The following RAPGEF3 variants were observed in gnomAD, a reference collection of about 807,000 sequenced individuals.
The protein encoded by RAPGEF3 is Rap guanine nucleotide exchange factor 3, also known as 9330170P05Rik.
A neutral mutation model predicts 129.8 loss-of-function variants in RAPGEF3; 103 were observed. The observed-to-expected ratio is 0.79, with a 90% CI of 0.68 to 0.93. RAPGEF3 has a LOEUF of 0.93. Among genes scored for constraint, RAPGEF3 ranks in the 40% least tolerant of loss-of-function variants. The pLI is 0.00. For synonymous variants in RAPGEF3, 436 were observed against 482.6 expected, an observed-to-expected ratio of 0.90 and a Z score of 1.26; for missense variants, 1,117 against 1,207.4, an observed-to-expected ratio of 0.93 and a Z score of 1.11.
chr12:47,749,959 A>C lies in RAPGEF3; in HGVS notation c.788T>G (p.Phe263Cys). ...VKRELAAVLL[F>C]EPHSKAGTVL... Reference sequence around the variant, plus strand: ...GGTCCCTGCCTTGCTGTGTGGTTCAAAGAGCAGAACAGCCGCTAATTCTCG... The same window carrying C: ...GGTCCCTGCCTTGCTGTGTGGTTCACAGAGCAGAACAGCCGCTAATTCTCG... Residue 263 changes from phenylalanine (F) to cysteine (C), a missense_variant, in exon 8 of 28, where the codon TTT becomes TGT. Coordinates refer to ENST00000449771, the MANE Select transcript of RAPGEF3 (RefSeq NM_001098531.4). The surrounding 1 kb of genome is among the most constrained non-coding windows in gnomAD (Gnocchi z 4.5). 6.2e-7 allele frequency: 1 copy of C among 1,614,216 alleles called. No individual in the cohort carries two copies. The highest frequency in any genetic ancestry group is 8.5e-7 in the Non-Finnish European group (1 of 1,180,040).
chr12:47,752,796 T>C (rs1941829047), intron 2 of RAPGEF3: 1 of 152,318 alleles, frequency 6.6e-6, no homozygotes. Flanking sequence ...TTCTCTGAGA[T>C]GTTGCTAGCC....
At chr12:47,747,376 G>T (rs1052498462) in intron 15 of RAPGEF3, among the ~76,000 whole-genome samples, 168 bp downstream of exon 15, 1 of 152,194 alleles carries the variant, frequency 6.6e-6, no homozygotes, top group African/African-American at 2.4e-5. Flanking sequence ...AGAATGGAGG[G>T]ACATGTGGTG....
At chr12:47,746,128 A>AT (rs1941406993) in intron 16 of RAPGEF3, 1 of 154,760 alleles carries the variant, frequency 6.5e-6, no homozygotes, top group Non-Finnish European at 1.4e-5. Context: ...AACGAGAAGG[A>AT]TCCTGCCAGG....
In RAPGEF3 at chr12:47,743,994, C is replaced by G. The variant is rs751382564; in HGVS notation, c.1671G>C (p.Gly557=). The change falls in exon 17 of 28, where the codon GGG becomes GGC. Residue 557 remains glycine, a synonymous_variant. Transcript: ENST00000449771. The part of the protein sequence containing the change: ...LPGSSCAIQV[G]DKVPYDICRP... ...CCGGCACAGACCACCAACCTTTATC[C>G]CCAACTTGGATGGCACAGCTGCTGC... 4 of 1,606,628 alleles carry G rather than the reference C, an allele frequency of 2.5e-6. No individual in the cohort carries two copies. Among genetic ancestry groups the G allele is most frequent in the Middle Eastern group, 1.7e-4 (1 of 5,868 alleles).
At position 47,744,086 on chromosome 12, in the gene RAPGEF3, G is replaced by A. The variant is rs545552482; in HGVS notation, c.1597-18C>T. ...TTCCGGGCCTGGGAGGAAGAGGAAC[G>A]AGAAAATAAGGCTGGGAGGACATGA... On this transcript the variant is annotated intron_variant, in intron 16 of 27. Transcript: ENST00000449771. 29 of 1,558,728 alleles carry A rather than the reference G, an allele frequency of 1.9e-5. No individual in the cohort carries two copies. Among genetic ancestry groups the A allele is most frequent in the African/African-American group, 1.4e-4 (10 of 73,688 alleles).
At chr12:47,743,812 AAG>A in intron 17 of RAPGEF3, 136 bp from the exon 18 acceptor site, 1 of 1,394,664 alleles carries the variant, frequency 7.2e-7, no homozygotes, top group South Asian at 1.3e-5. Context: ...CTGAGCAAAA[AAG>A]AGGCAGGTAG....
In RAPGEF3 at chr12:47,751,485, A is replaced by G. The variant is rs1250879516; in HGVS notation, c.416T>C (p.Ile139Thr). Residue 139 changes from isoleucine to threonine, a missense_variant, in exon 5 of 28, where the codon ATC becomes ACC. Around this residue, in one of 3 missense-constraint regions of RAPGEF3, gnomAD observed 367 missense variants for 373.4 expected, o/e 0.98. Transcript: ENST00000449771. ...CCSGRELVDG[I>T]LALGLGVHSR... The stretch of plus-strand genomic sequence containing the variant: ...ATGGACCCCAAGTCCCAGGGCCAAG[A>G]TCCCATCCACCAGCTCCCGGCCAGA... The G allele has an allele frequency of 1.2e-6, 2 of 1,614,192 alleles. No homozygotes were observed. Among genetic ancestry groups the G allele is most frequent in the Non-Finnish European group, 1.7e-6 (2 of 1,180,016 alleles).
rs114103885 is a variant in RAPGEF3, at chr12:47,744,238, A to G, written c.1597-170T>C. The G allele has an allele frequency of 2.6e-3, 1,600 of 618,636 alleles. 22 individuals are homozygous for G. The African/African-American group carries it at 0.027, about 10-fold the overall frequency. The allele number at this position is 618,636 out of a possible 1,614,324, so 38.3% of individuals were successfully genotyped here. On this transcript the variant is annotated intron_variant, in intron 16 of 27. Transcript: ENST00000449771. The stretch of plus-strand genomic sequence containing the variant: ...CCTGAGCTCAGGTAAGGCACCTGGG[A>G]CCAAGGATCCAGGAGAAGACACAAC...
intron 2 of RAPGEF3, among the ~76,000 whole-genome samples, chr12:47,757,529 C>G (rs983159692): frequency 7.2e-5 from 11 of 152,138 alleles, no homozygotes; most frequent in African/African-American, 2.7e-4. Flanking sequence ...TTGACCCGGC[C>G]CCCATACCTC....
chr12:47,758,812 C>T lies in RAPGEF3; in HGVS notation c.-256G>A. On this transcript the variant is annotated 5_prime_UTR_variant, in exon 1 of 28. Transcript: ENST00000449771. ...CCACCCAGCCACCGGCGACAGGGAG[C>T]CCCGAGCCTGCGCCTTCGTCTCAGA... 6.5e-6 allele frequency: 8 copies of T among 1,232,864 alleles called. No homozygotes were observed. The highest frequency in any genetic ancestry group is 8.1e-6 in the Non-Finnish European group (8 of 985,336). The allele number at this position is 1,232,864 out of a possible 1,614,324, so 76.4% of individuals were successfully genotyped here.
chr12:47,737,991 C>T (rs1394976110), intron 27 of RAPGEF3, 31 bp downstream of exon 27: 4 of 1,366,778 alleles, frequency 2.9e-6, no homozygotes, highest in South Asian at 1.2e-5. Context: ...AGCACCCCCT[C>T]CCTGCCCACC....
chr12:47,739,775 C>T (rs1273323771), intron 23 of RAPGEF3: 3 of 406,634 alleles, frequency 7.4e-6, no homozygotes, highest in East Asian at 5.1e-5. Context: ...GGCCCTGGTG[C>T]ACACAGGCGC....
chr12:47,753,446 G>T (rs1941872705), intron 2 of RAPGEF3, among the ~76,000 whole-genome samples: 1 of 152,236 alleles, frequency 6.6e-6, no homozygotes, highest in South Asian at 2.1e-4. Context: ...GGTGCTGGCA[G>T]GGCCCTGGGC....
rs1316380020 is a variant in RAPGEF3 at position 47,735,916 on chromosome 12, T to TTCC, written c.*1650_*1651insGGA. On this transcript the variant is annotated 3_prime_UTR_variant, in exon 28 of 28. Transcript: ENST00000449771. The stretch of plus-strand genomic sequence containing the variant: ...GTTCCAGATGCTTCCGTGCTTCTCC[T>TTCC]GTGTCCCCACCCACGGCAAGGGAAC... 3.3e-5 allele frequency: 5 copies of TTCC among 152,374 alleles called. No homozygotes were observed. Among genetic ancestry groups the TTCC allele is most frequent in the Non-Finnish European group, 5.9e-5 (4 of 68,144 alleles). The allele number at this position is 152,374 out of a possible 1,614,324, so 9.4% of individuals were successfully genotyped here. A position where few individuals can be genotyped will look rare whatever the true frequency, so the allele number is the denominator to read the frequency against.
rs1940835870 is a variant in RAPGEF3 at position 47,737,311 on chromosome 12, C to T, written c.*256G>A. 4 of 514,690 alleles carry T rather than the reference C, an allele frequency of 7.8e-6. No individual in the cohort carries two copies. The Admixed American group carries it at 9.8e-5, about 13-fold the overall frequency. 31.9% of individuals were successfully genotyped at this position (514,690 alleles called of 1,614,324 possible). ...GTCCCAGCGCACTCCACTCTCCACC[C>T]ACTCCTGGGGCCTCTCTGTCCTCCC... On this transcript the variant is annotated 3_prime_UTR_variant, in exon 28 of 28. Coordinates refer to ENST00000449771, the MANE Select transcript of RAPGEF3 (RefSeq NM_001098531.4).
At chr12:47,741,781 C>G (rs1467545832) in intron 18 of RAPGEF3, 179 bp from the exon 19 acceptor site, 1 of 610,704 alleles carries the variant, frequency 1.6e-6, no homozygotes, top group Non-Finnish European at 3.0e-6. Flanking sequence ...CCACGCAGCC[C>G]AGGGAAGCAC....
rs1219137708 is a variant in RAPGEF3 at position 47,751,451 on chromosome 12, G to A, written c.450C>T (p.Ser150=). ...GCACCTGGCAGATTCCCACAACTTG[G>A]CTCCGGGAATGGACCCCAAGTCCCA... ...LALGLGVHSR[S]QVVGICQVLL... is the part of the protein sequence containing the mutation. The change falls in exon 5 of 28, where the codon AGC becomes AGT. Residue 150 remains serine (S), a synonymous_variant. Coordinates refer to ENST00000449771, the MANE Select transcript of RAPGEF3 (RefSeq NM_001098531.4). 1 of 1,614,060 alleles carries A rather than the reference G, an allele frequency of 6.2e-7. No individual in the cohort carries two copies.
chr12:47,753,295 A>C (rs762871011), intron 2 of RAPGEF3, among the ~76,000 whole-genome samples: 28 of 152,142 alleles, frequency 1.8e-4, no homozygotes, highest in Non-Finnish European at 3.2e-4. Context: ...CCCACCCAGA[A>C]GTGCTCCCAT....
chr12:47,739,483 A>C (rs1941007549), intron 23 of RAPGEF3: 1 of 679,996 alleles, frequency 1.5e-6, no homozygotes, highest in South Asian at 1.5e-5. Context: ...TGTCACTGTC[A>C]CCTCTCTGTC....
Sources: allele counts gnomAD v4.1 joint callset (sites outside exome capture counted in the v4.1 genomes callset), GRCh38; gene constraint gnomAD v4.1.1; regional missense constraint gnomAD v4.1.1; non-coding constraint Gnocchi (gnomAD v3.1); transcripts MANE v1.5; gene names NCBI Gene and HGNC (gene_info 2026-07-23, HGNC 2026-07-21).